The following NEK11 variants were observed in gnomAD, a reference collection of about 807,000 sequenced individuals.
NEK11 encodes NIMA related kinase 11.
Under a neutral mutation model 80.7 loss-of-function variants are expected in NEK11, and 72 were observed. That is an observed-to-expected ratio of 0.89 (90% CI 0.74 to 1.08). The LOEUF (loss-of-function observed/expected upper bound fraction) is 1.08. Ranked by LOEUF, NEK11 falls within the 50% of genes least tolerant of loss-of-function variation. The probability of loss-of-function intolerance (pLI) is 0.00; values close to 1 mark genes in which losing one functional copy is unlikely to be tolerated. For missense variants in NEK11, 764 were observed against 763.6 expected (o/e 1.00, Z -0.01); for synonymous variants, 251 against 260.7 (o/e 0.96, Z 0.36).
At chr3:131,081,066 T>G (rs1279996865) in intron 4 of NEK11, among the ~76,000 whole-genome samples, 2 of 152,160 alleles carry the variant, frequency 1.3e-5, no homozygotes, top group African/African-American at 4.8e-5. Context: ...ACTGGGACCA[T>G]GCCATCGCTC....
chr3:131,291,974 G>C (rs550817754), intron 17 of NEK11, among the ~76,000 whole-genome samples: 2 of 152,064 alleles, frequency 1.3e-5, no homozygotes, highest in Non-Finnish European at 2.9e-5. Flanking sequence ...TGCCTTTGTT[G>C]TATCTAAAAA....
At chr3:131,247,352 C>G (rs1279247644) in intron 16 of NEK11, among the ~76,000 whole-genome samples, 1 of 152,058 alleles carries the variant, frequency 6.6e-6, no homozygotes, top group African/African-American at 2.4e-5. Context: ...GCCAATTATC[C>G]CAGCACGATT....
chr3:131,341,691 C>A (rs948890603), intron 17 of NEK11, among the ~76,000 whole-genome samples: 5 of 152,128 alleles, frequency 3.3e-5, no homozygotes, highest in African/African-American at 1.2e-4. Context: ...GATGCATGCT[C>A]ATTTAGAATT....
intron 5 of NEK11, among the ~76,000 whole-genome samples, chr3:131,116,742 T>C (rs554836204): frequency 1.3e-5 from 2 of 152,326 alleles, no homozygotes; most frequent in East Asian, 3.9e-4. Context: ...ATGAGCATTT[T>C]TTCATGTGTC....
At chr3:131,306,852 G>A (rs2096728486) in intron 17 of NEK11, among the ~76,000 whole-genome samples, 1 of 152,020 alleles carries the variant, frequency 6.6e-6, no homozygotes, top group African/African-American at 2.4e-5. Flanking sequence ...TTTCTGATTT[G>A]TCCACACTGA....
chr3:131,308,022 A>G (rs116073908), intron 17 of NEK11, among the ~76,000 whole-genome samples: 1,529 of 152,348 alleles, frequency 0.01, 22 homozygotes, highest in African/African-American at 0.033. Context: ...AAAATAACTG[A>G]AGGCAGATTT....
intron 16 of NEK11, among the ~76,000 whole-genome samples, chr3:131,250,664 G>A (rs1206061284): frequency 6.6e-6 from 1 of 152,072 alleles, no homozygotes; most frequent in Non-Finnish European, 1.5e-5. Flanking sequence ...TGAACGATAG[G>A]TGGGCAACAG....
rs749060904 is a variant in NEK11, at chr3:131,349,735, A to T, written c.1897A>T (p.Ile633Phe). 5 of 1,614,236 alleles carry T rather than the reference A, an allele frequency of 3.1e-6. No homozygotes were observed. Among genetic ancestry groups the T allele is most frequent in the Non-Finnish European group, 4.2e-6 (5 of 1,180,028 alleles). ...QLLYFEEQLL[I>F]TMGKEPTLQN... ...CCTGTACTTTGAAGAGCAGTTGCTG[A>T]TCACGATGGGAAAAGAACCTACTCT... The change falls in exon 18 of 18, where the codon ATC becomes TTC. Residue 633 changes from isoleucine (I) to phenylalanine (F), a missense_variant. Ile to Phe is a conservative substitution (Grantham distance 21, BLOSUM62 0). Coordinates refer to ENST00000383366, the MANE Select transcript of NEK11 (RefSeq NM_024800.5).
At chr3:131,178,536 G>A (rs558679913) in intron 14 of NEK11, among the ~76,000 whole-genome samples, 39 of 152,122 alleles carry the variant, frequency 2.6e-4, no homozygotes, top group South Asian at 8.3e-4. Context: ...ACACATATTA[G>A]CCTAGGCCTT....
intron 16 of NEK11, among the ~76,000 whole-genome samples, chr3:131,258,387 T>C (rs1196298652): frequency 6.6e-6 from 1 of 152,222 alleles, no homozygotes; most frequent in East Asian, 1.9e-4. Context: ...CCTTAAGTAT[T>C]TGAATCAGTC....
Position 131,133,880 on chromosome 3 carries a change from A to G in NEK11, c.571A>G (p.Thr191Ala). The G allele has an allele frequency of 6.2e-7, 1 of 1,612,698 alleles. No individual in the cohort carries two copies. The highest frequency in any genetic ancestry group is 8.5e-7 in the Non-Finnish European group (1 of 1,179,034). The stretch of plus-strand genomic sequence containing the variant: ...AATGGGATCCTGTGACCTGGCCACA[A>G]CTTTAACTGGAACTCCCCATTATAT... ...LLMGSCDLATTLTGTPHYMSP... is the reference protein window; with the variant it reads ...LLMGSCDLATALTGTPHYMSP... The change falls in exon 7 of 18, where the codon ACT becomes GCT. Residue 191 changes from threonine (T) to alanine (A), a missense_variant. By Grantham distance (58) the Thr-to-Ala change is moderately conservative. Coordinates refer to ENST00000383366, the MANE Select transcript of NEK11 (RefSeq NM_024800.5).
chr3:131,088,726 TACTA>T lies in NEK11; in HGVS notation c.336+8144_336+8147del, dbSNP rs764352524. 3.0e-3 allele frequency among the ~76,000 whole-genome samples: 453 copies of T among 152,314 alleles called. 1 individual carries two copies. Among genetic ancestry groups the T allele is most frequent in the Middle Eastern group, 6.8e-3 (2 of 294 alleles). ...TATCTCTAAAAGAATTTGAAAAAAA[TACTA>T]ACTAAACTCAAGATGTTCATTTATA... is the stretch of plus-strand genomic sequence containing the variant. On this transcript the variant is annotated intron_variant, in intron 4 of 17. Coordinates refer to ENST00000383366, the MANE Select transcript of NEK11 (RefSeq NM_024800.5).
intron 3 of NEK11, among the ~76,000 whole-genome samples, chr3:131,060,471 G>T (rs1198825332): frequency 6.6e-6 from 1 of 152,122 alleles, no homozygotes; most frequent in Non-Finnish European, 1.5e-5. Context: ...ATTAAGTATA[G>T]GTGTGTTTCA....
At chr3:131,165,671 C>T in intron 12 of NEK11, 152 bp downstream of exon 12, 1 of 607,646 alleles carries the variant, frequency 1.6e-6, no homozygotes, top group South Asian at 2.1e-5. Context: ...TGTAGGTCAA[C>T]AGCTGGTGAC....
intron 3 of NEK11, among the ~76,000 whole-genome samples, chr3:131,045,544 A>G (rs2067249943): frequency 1.3e-5 from 2 of 152,110 alleles, no homozygotes; most frequent in African/African-American, 4.8e-5. Flanking sequence ...TCTTCAATTT[A>G]TTGAGACCTG....
intron 3 of NEK11, among the ~76,000 whole-genome samples, chr3:131,042,100 C>T (rs2066590547): frequency 6.6e-6 from 1 of 152,234 alleles, no homozygotes; most frequent in Non-Finnish European, 1.5e-5. Context: ...ACAGTCTTCA[C>T]AGACCAGGAG....
At chr3:131,325,571 A>G (rs139525939) in intron 17 of NEK11, 5 of 152,286 alleles carry the variant, frequency 3.3e-5, no homozygotes, top group African/African-American at 1.2e-4. Context: ...ATCTTTTCAT[A>G]TGTCTTAAAA....
chr3:131,226,933 TAAAAA>T (rs1360219244), intron 14 of NEK11, among the ~76,000 whole-genome samples: 1 of 151,092 alleles, frequency 6.6e-6, no homozygotes, highest in African/African-American at 2.4e-5. Context: ...CCACGTTTAA[TAAAAA>T]TAATATATAT....
intron 3 of NEK11, among the ~76,000 whole-genome samples, chr3:131,053,037 C>T (rs2068713975): frequency 6.6e-6 from 1 of 152,076 alleles, no homozygotes; most frequent in South Asian, 2.1e-4. Flanking sequence ...CTCTTATTAG[C>T]ATTAATGTAC....
Sources: gnomAD v4.1 joint callset for allele counts (sites outside exome capture counted in the v4.1 genomes callset) on GRCh38, gnomAD v4.1.1 for gene constraint, MANE v1.5 for transcripts, NCBI Gene and HGNC (gene_info 2026-07-23, HGNC 2026-07-21) for gene names.